The following CLNK variants were observed in gnomAD, a reference collection of about 807,000 sequenced individuals.
The protein encoded by CLNK is cytokine dependent hematopoietic cell linker, also known as cytokine-dependent hematopoietic cell linker.
Under a neutral mutation model 68.6 loss-of-function variants are expected in CLNK, and 74 were observed. The ratio of observed to expected loss-of-function variants is 1.08; its 90% CI spans 0.89 to 1.31. CLNK has a LOEUF of 1.31. CLNK is among the 50% of genes most tolerant of loss of function. The pLI is 0.00. For synonymous variants in CLNK, 198 were observed against 172.2 expected (o/e 1.15, Z -1.17); for missense variants, 553 against 515.3 (o/e 1.07, Z -0.71).
upstream of CLNK, among the ~76,000 whole-genome samples, chr4:10,689,095 C>T (rs768718288): frequency 1.3e-5 from 2 of 151,892 alleles, no homozygotes; most frequent in Admixed American, 6.6e-5. Context: ...ACCACTTTCT[C>T]GCTGTTTTTG....
intron 4 of CLNK, among the ~76,000 whole-genome samples, chr4:10,583,369 C>T (rs907680541): frequency 6.6e-6 from 1 of 152,106 alleles, no homozygotes. Context: ...TCCCTGCAAC[C>T]TCCATCTCCC....
intron 2 of CLNK, among the ~76,000 whole-genome samples, chr4:10,625,364 C>T (rs770458615): frequency 6.6e-6 from 1 of 152,222 alleles, no homozygotes; most frequent in Admixed American, 6.5e-5. Flanking sequence ...GTTATTTCAA[C>T]AATTTGTGTT....
intron 1 of CLNK, among the ~76,000 whole-genome samples, chr4:10,676,376 A>C (rs1724873216): frequency 1.4e-5 from 2 of 139,402 alleles, no homozygotes; most frequent in Admixed American, 1.6e-4. Context: ...AGTCAAATGC[A>C]TTGTTATTAT....
At chr4:10,520,635 A>C (rs977125) in intron 15 of CLNK, among the ~76,000 whole-genome samples, 156 bp downstream of exon 15, 5,116 of 152,310 alleles carry the variant, frequency 0.034, 289 homozygotes, top group African/African-American at 0.11. Flanking sequence ...ATCATGGAAT[A>C]AAATTATTGT....
chr4:10,690,899 C>T, the CLNK span, among the ~76,000 whole-genome samples: 2 of 138,252 alleles, frequency 1.4e-5, no homozygotes, highest in South Asian at 2.2e-4. Context: ...GGCTACTGTA[C>T]CTGGTGAAAC....
chr4:10,728,690 A>C, the CLNK span, among the ~76,000 whole-genome samples: 7 of 145,526 alleles, frequency 4.8e-5, no homozygotes, highest in East Asian at 1.4e-3. Context: ...CCGGGTTCAC[A>C]CTGTTCTCCT....
At chr4:10,531,664 C>G in intron 12 of CLNK, 1 of 452,224 alleles carries the variant, frequency 2.2e-6, no homozygotes, top group Non-Finnish European at 4.4e-6. Context: ...TGATCTTGAA[C>G]CCCTGACCTC....
intron 1 of CLNK, among the ~76,000 whole-genome samples, chr4:10,681,733 G>GA (rs1725097174): frequency 6.6e-6 from 1 of 152,202 alleles, no homozygotes; most frequent in African/African-American, 2.4e-5. Context: ...CCCTGATCAT[G>GA]AACCTGGGAA....
chr4:10,677,568 G>A (rs1217110436), intron 1 of CLNK, among the ~76,000 whole-genome samples: 1 of 151,966 alleles, frequency 6.6e-6, no homozygotes. Context: ...TCATGGGGGT[G>A]GTTTCCCCCA....
chr4:10,650,693 T>C (rs535447206), intron 2 of CLNK, among the ~76,000 whole-genome samples: 2 of 152,186 alleles, frequency 1.3e-5, no homozygotes, highest in Non-Finnish European at 2.9e-5. Context: ...AAAAAGTCTT[T>C]TCTTACTATA....
chr4:10,648,091 G>C (rs1044823782), intron 2 of CLNK, among the ~76,000 whole-genome samples: 10 of 152,138 alleles, frequency 6.6e-5, no homozygotes, highest in African/African-American at 2.4e-4. Context: ...TTGCATCCTG[G>C]TGTTATAGGA....
chr4:10,492,901 T>A lies in CLNK; in HGVS notation c.1141-2288A>T, dbSNP rs546293691. ...GCTCATTTGAATTGGGGTTTGTCTT[T>A]TCACACCCAAAGAGTCCTGGTTCAA... On this transcript the variant is annotated intron_variant, in intron 18 of 18. Coordinates refer to ENST00000226951, the MANE Select transcript of CLNK (RefSeq NM_052964.4). Among the ~76,000 whole-genome samples, 4 of 152,366 alleles carry A rather than the reference T, an allele frequency of 2.6e-5. No homozygotes were observed. In the South Asian group the frequency reaches 6.2e-4, roughly 24 times the overall value.
chr4:10,550,436 A>G (rs1719402247), intron 8 of CLNK, among the ~76,000 whole-genome samples: 3 of 152,288 alleles, frequency 2.0e-5, no homozygotes, highest in Admixed American at 2.0e-4. Flanking sequence ...CGGAGCTTGC[A>G]GTGAGCCAAG....
chr4:10,700,914 G>A, the CLNK span, among the ~76,000 whole-genome samples: 2 of 152,050 alleles, frequency 1.3e-5, no homozygotes, highest in African/African-American at 2.4e-5. Flanking sequence ...CAGATGTTTT[G>A]TATTCAAAAA....
At chr4:10,578,843 A>G (rs1720674496) in intron 4 of CLNK, among the ~76,000 whole-genome samples, 4 of 152,174 alleles carry the variant, frequency 2.6e-5, no homozygotes, top group Admixed American at 2.0e-4. Flanking sequence ...AACTGCTGGC[A>G]TTACAGGTGT....
rs528276005 is a variant in CLNK, at chr4:10,558,394, A to T, written c.445+13T>A. On this transcript the variant is annotated intron_variant, in intron 8 of 18. Transcript: ENST00000226951. ...CATACTTACATTTTAAACTTCGATT[A>T]ACATGACTTTACCTTTAATGTTTTG... The T allele has an allele frequency of 3.1e-4, 503 of 1,612,904 alleles. 8 individuals carry two copies. In the South Asian group the frequency reaches 4.8e-3, roughly 15 times the overall value.
At chr4:10,535,881 T>C (rs754320833) in intron 11 of CLNK, among the ~76,000 whole-genome samples, 27 of 152,268 alleles carry the variant, frequency 1.8e-4, no homozygotes, top group Non-Finnish European at 2.8e-4. Flanking sequence ...TACATGGATA[T>C]TGTAAAAATC....
chr4:10,500,806 C>G (rs1027401153), intron 18 of CLNK, among the ~76,000 whole-genome samples: 7 of 152,200 alleles, frequency 4.6e-5, no homozygotes, highest in Non-Finnish European at 7.3e-5. Flanking sequence ...ATCAGCAGAT[C>G]TGTACTGAGG....
At chr4:10,592,300 TA>T (rs1243970854) in intron 3 of CLNK, among the ~76,000 whole-genome samples, 2 of 151,520 alleles carry the variant, frequency 1.3e-5, no homozygotes, top group Non-Finnish European at 3.0e-5. Flanking sequence ...CAATACATAT[TA>T]AAAAACAAAA....
Sources: gnomAD v4.1 joint callset for allele counts (sites outside exome capture counted in the v4.1 genomes callset) on GRCh38, gnomAD v4.1.1 for gene constraint, MANE v1.5 for transcripts, NCBI Gene and HGNC (gene_info 2026-07-23, HGNC 2026-07-21) for gene names.